The following ASAP1 variants were observed in gnomAD, a reference collection of about 807,000 sequenced individuals.
ASAP1 encodes ArfGAP with SH3 domain, ankyrin repeat and PH domain 1, also known as arf-GAP with SH3 domain, ANK repeat and PH domain-containing protein 1.
Under a neutral mutation model 145.2 loss-of-function variants are expected in ASAP1, and 43 were observed. The ratio of observed to expected loss-of-function variants is 0.30; its 90% CI spans 0.23 to 0.38. The LOEUF is 0.38. ASAP1 is among the 10% of genes least tolerant of loss of function. The pLI, the probability that ASAP1 is intolerant of heterozygous loss-of-function variation, is 1.00. For synonymous variants in ASAP1, 546 were observed against 515.5 expected (o/e 1.06, Z -0.80); for missense variants, 1,018 against 1,355.3 (o/e 0.75, Z 3.91).
intron 14 of ASAP1, among the ~76,000 whole-genome samples, chr8:130,134,879 C>T (rs937641209): frequency 1.3e-5 from 2 of 151,932 alleles, no homozygotes; most frequent in African/African-American, 4.8e-5. Context: ...ATTTACTGTT[C>T]CCTATTTGTT....
intron 3 of ASAP1, among the ~76,000 whole-genome samples, chr8:130,242,516 T>C (rs1284139878): frequency 1.3e-5 from 2 of 152,058 alleles, no homozygotes; most frequent in Non-Finnish European, 2.9e-5. Context: ...TTGAGCTTGT[T>C]GGGCAATCAT....
intron 18 of ASAP1, among the ~76,000 whole-genome samples, chr8:130,121,009 A>G (rs537328341): frequency 2.6e-5 from 4 of 152,286 alleles, no homozygotes; most frequent in African/African-American, 9.6e-5. Context: ...TAATGCTACT[A>G]TCTATTTACC....
intron 1 of ASAP1, among the ~76,000 whole-genome samples, chr8:130,411,375 T>A (rs963174845): frequency 1.5e-4 from 23 of 152,108 alleles, no homozygotes; most frequent in African/African-American, 4.6e-4. Context: ...CAAGGATGAG[T>A]GGAAATCAGG....
At chr8:130,186,697 A>G (rs1406796112) in intron 7 of ASAP1, among the ~76,000 whole-genome samples, 1 of 152,180 alleles carries the variant, frequency 6.6e-6, no homozygotes, top group Non-Finnish European at 1.5e-5. Flanking sequence ...TGGACACATA[A>G]CTAGCTTTCT....
At chr8:130,097,908 C>T (rs2097522024) in intron 24 of ASAP1, among the ~76,000 whole-genome samples, 2 of 152,144 alleles carry the variant, frequency 1.3e-5, no homozygotes, top group South Asian at 4.2e-4. Context: ...GAAAAAATGT[C>T]CTGGAAATTC....
intron 3 of ASAP1, among the ~76,000 whole-genome samples, chr8:130,342,126 T>G (rs1825424322): frequency 1.3e-5 from 2 of 151,986 alleles, no homozygotes; most frequent in African/African-American, 4.8e-5. Flanking sequence ...GCATTCACGG[T>G]GAGGTGGAAA....
chr8:130,418,004 C>T (rs1162591056), intron 1 of ASAP1, among the ~76,000 whole-genome samples: 3 of 152,124 alleles, frequency 2.0e-5, no homozygotes, highest in Non-Finnish European at 4.4e-5. Context: ...CAGATGGACA[C>T]GGGGAGCGGG....
chr8:130,266,947 T>C (rs1820282790), intron 3 of ASAP1, among the ~76,000 whole-genome samples: 1 of 151,252 alleles, frequency 6.6e-6, no homozygotes, highest in South Asian at 2.1e-4. Flanking sequence ...AAAGAAAAAG[T>C]AGGATAATAA....
At chr8:130,225,422 T>C (rs1407865198) in intron 4 of ASAP1, among the ~76,000 whole-genome samples, 2 of 152,206 alleles carry the variant, frequency 1.3e-5, no homozygotes, top group African/African-American at 2.4e-5. Flanking sequence ...AAGGGTTCGT[T>C]AAAGTAAGTT....
chr8:130,340,580 G>T (rs567984069), intron 3 of ASAP1, among the ~76,000 whole-genome samples: 12 of 152,278 alleles, frequency 7.9e-5, no homozygotes, highest in Non-Finnish European at 1.3e-4. Context: ...CTTAAACTTT[G>T]AATTTAAAAA....
intron 1 of ASAP1, among the ~76,000 whole-genome samples, chr8:130,440,966 T>A (rs914482611): frequency 7.2e-5 from 11 of 152,218 alleles, no homozygotes; most frequent in Non-Finnish European, 1.3e-4. Context: ...GCTCATCTCC[T>A]CCAGAGGAAT....
intron 29 of ASAP1, among the ~76,000 whole-genome samples, chr8:130,055,181 C>T (rs1320228496): frequency 3.3e-5 from 5 of 152,128 alleles, no homozygotes; most frequent in African/African-American, 9.6e-5. Flanking sequence ...TGAACCAGGG[C>T]GCCTGGCTGC....
At chr8:130,269,816 A>G (rs76048380) in intron 3 of ASAP1, among the ~76,000 whole-genome samples, 4,020 of 152,248 alleles carry the variant, frequency 0.026, 63 homozygotes, top group Middle Eastern at 0.044. Context: ...GCATTAGATA[A>G]ATGTGCTAAG....
rs1404411076 is a variant in ASAP1, at chr8:130,358,616, G to A, written c.60-473C>T. Among the ~76,000 whole-genome samples, 1 of 147,032 alleles carries A rather than the reference G, an allele frequency of 6.8e-6. No individual in the cohort carries two copies. Among genetic ancestry groups the A allele is most frequent in the Non-Finnish European group, 1.5e-5 (1 of 66,040 alleles). On this transcript the variant is annotated intron_variant, in intron 2 of 29. Transcript: ENST00000518721. The surrounding 1 kb of genome is among the most constrained non-coding windows in gnomAD (Gnocchi z 4.1). ...TGACTGAGCGCACACTCCCGCGGCGGGCGGGCGGGCGGGCGGCGCTCGCGC... is the reference window on the plus strand; with the variant it reads ...TGACTGAGCGCACACTCCCGCGGCGAGCGGGCGGGCGGGCGGCGCTCGCGC...
intron 1 of ASAP1, 52 bp from the exon 2 acceptor site, chr8:130,402,022 G>C: frequency 8.1e-7 from 1 of 1,236,892 alleles, no homozygotes; most frequent in Non-Finnish European, 1.2e-6. Context: ...GTGAAACTGG[G>C]CAGAAGACAT....
At position 130,214,625 on chromosome 8, in the gene ASAP1, G is replaced by A. The variant is rs753301667; in HGVS notation, c.336C>T (p.Pro112=). 15 of 1,612,750 alleles carry A rather than the reference G, an allele frequency of 9.3e-6. No individual in the cohort carries two copies. The highest frequency in any genetic ancestry group is 1.7e-4 in the Middle Eastern group (1 of 6,060). The change falls in exon 5 of 30, where the codon CCC becomes CCT. Residue 112 remains proline, a synonymous_variant. Coordinates refer to ENST00000518721, the MANE Select transcript of ASAP1 (RefSeq NM_018482.4). Reference sequence around the variant, plus strand: ...ACTTGACAAACGCGGTGCCAAGGTCGGGGTTGTCTCGACTTAAAAAATTAC... The same window carrying A: ...ACTTGACAAACGCGGTGCCAAGGTCAGGGTTGTCTCGACTTAAAAAATTAC... The part of the protein sequence containing the change: ...FGSNFLSRDN[P]DLGTAFVKFS...
intron 18 of ASAP1, among the ~76,000 whole-genome samples, chr8:130,123,065 C>CT (rs962983785): frequency 3.9e-4 from 59 of 151,546 alleles, no homozygotes; most frequent in East Asian, 2.7e-3. Context: ...GTAATTTGTG[C>CT]TTTTTTTTTC....
chr8:130,185,379 A>G (rs1289734529), intron 7 of ASAP1, among the ~76,000 whole-genome samples: 1 of 152,200 alleles, frequency 6.6e-6, no homozygotes, highest in Non-Finnish European at 1.5e-5. Flanking sequence ...AACACCATAT[A>G]TAAGAATAAT....
At chr8:130,218,383 C>T (rs761058985) in intron 4 of ASAP1, among the ~76,000 whole-genome samples, 12 of 152,120 alleles carry the variant, frequency 7.9e-5, no homozygotes, top group Admixed American at 2.6e-4. Flanking sequence ...TACATGTATG[C>T]GCCACCCAGC....
Sources: allele counts gnomAD v4.1 joint callset (sites outside exome capture counted in the v4.1 genomes callset), GRCh38; gene constraint gnomAD v4.1.1; non-coding constraint Gnocchi (gnomAD v3.1); transcripts MANE v1.5; gene names NCBI Gene and HGNC (gene_info 2026-07-23, HGNC 2026-07-21).